The following COL21A1 variants were observed in gnomAD, a reference collection of about 807,000 sequenced individuals.
COL21A1 encodes collagen alpha-1(XXI) chain.
In COL21A1, 149 loss-of-function variants were observed where a neutral mutation model predicts 137.9. That is an observed-to-expected ratio of 1.08 (90% CI 0.95 to 1.24). The LOEUF is 1.24. COL21A1 is among the 50% of genes most tolerant of loss of function. The pLI is 0.00. For synonymous variants in COL21A1, 456 were observed against 391.5 expected (o/e 1.16, Z -1.95); for missense variants, 1,167 against 1,158.4 (o/e 1.01, Z -0.11).
chr6:56,311,360 G>A (rs893240747), intron 1 of COL21A1, among the ~76,000 whole-genome samples: 1 of 152,194 alleles, frequency 6.6e-6, no homozygotes, highest in African/African-American at 2.4e-5. Context: ...AGTCACTCGG[G>A]CTCAGGCAGT....
chr6:56,222,637 CA>C (rs1561999611), intron 1 of COL21A1, among the ~76,000 whole-genome samples: 4 of 151,928 alleles, frequency 2.6e-5, no homozygotes. Context: ...AGGAGAGTAT[CA>C]AAAGAAAATA....
chr6:56,149,227 G>A (rs1250339492), intron 10 of COL21A1, among the ~76,000 whole-genome samples: 3 of 151,982 alleles, frequency 2.0e-5, no homozygotes, highest in Non-Finnish European at 4.4e-5. Context: ...GACTTAATAG[G>A]CATTAAAGAT....
chr6:56,265,286 G>T (rs563781718), intron 1 of COL21A1, among the ~76,000 whole-genome samples: 1 of 152,180 alleles, frequency 6.6e-6, no homozygotes, highest in Non-Finnish European at 1.5e-5. Context: ...TGCCAAGTGG[G>T]GAGTGGAACA....
At chr6:56,120,866 T>A (rs1189748837) in intron 16 of COL21A1, among the ~76,000 whole-genome samples, 1 of 151,380 alleles carries the variant, frequency 6.6e-6, no homozygotes, top group African/African-American at 2.4e-5. Flanking sequence ...GCTGGGTATG[T>A]ACCCAAAAGA....
At chr6:56,087,668 G>A (rs955609185) in intron 17 of COL21A1, among the ~76,000 whole-genome samples, 1 of 152,132 alleles carries the variant, frequency 6.6e-6, no homozygotes, top group African/African-American at 2.4e-5. Flanking sequence ...TAAAGATAAG[G>A]GAAGTCCTGA....
chr6:56,104,727 T>C (rs572982008), intron 16 of COL21A1, among the ~76,000 whole-genome samples: 18 of 152,140 alleles, frequency 1.2e-4, no homozygotes, highest in Non-Finnish European at 2.2e-4. Flanking sequence ...TTTCTACAGC[T>C]AACGTCAAAA....
At chr6:56,211,127 G>A (rs1443646179) in intron 1 of COL21A1, among the ~76,000 whole-genome samples, 2 of 146,208 alleles carry the variant, frequency 1.4e-5, no homozygotes, top group Non-Finnish European at 3.0e-5. Context: ...TCTTTATATA[G>A]CAAGAGCAAA....
intron 1 of COL21A1, among the ~76,000 whole-genome samples, chr6:56,255,201 TTTC>T (rs1443888605): frequency 6.6e-6 from 1 of 152,136 alleles, no homozygotes; most frequent in African/African-American, 2.4e-5. Flanking sequence ...CAACCTGCAT[TTTC>T]TTATTTCTCG....
At chr6:56,284,048 T>A (rs1169838278) in intron 1 of COL21A1, among the ~76,000 whole-genome samples, 1 of 152,088 alleles carries the variant, frequency 6.6e-6, no homozygotes, top group Non-Finnish European at 1.5e-5. Context: ...GTAGTTTTGT[T>A]TTGTTTTGTT....
chr6:56,228,140 G>A (rs1781329883), intron 1 of COL21A1, among the ~76,000 whole-genome samples: 2 of 151,922 alleles, frequency 1.3e-5, no homozygotes, highest in South Asian at 2.1e-4. Context: ...TTTGCATTAA[G>A]TGAAGAGGAG....
intron 17 of COL21A1, among the ~76,000 whole-genome samples, chr6:56,101,229 C>G (rs12206920): frequency 0.15 from 23,123 of 152,128 alleles, 1,788 homozygotes; most frequent in Middle Eastern, 0.22. Context: ...CCATGCATTT[C>G]TTTGGGCATG....
intron 1 of COL21A1, among the ~76,000 whole-genome samples, chr6:56,228,520 T>C (rs547174632): frequency 3.3e-5 from 5 of 151,098 alleles, no homozygotes; most frequent in African/African-American, 1.2e-4. Context: ...AGAAGAAATA[T>C]AAAGCATCTT....
intron 1 of COL21A1, among the ~76,000 whole-genome samples, chr6:56,285,899 G>A (rs556776894): frequency 1.7e-4 from 26 of 150,358 alleles, no homozygotes; most frequent in African/African-American, 4.9e-4. Flanking sequence ...TGCCACAAAT[G>A]ATTCCCTTTT....
intron 1 of COL21A1, among the ~76,000 whole-genome samples, chr6:56,211,219 G>A (rs565696895): frequency 2.1e-4 from 6 of 28,072 alleles, no homozygotes; most frequent in African/African-American, 1.1e-3. Context: ...ATATGTATAT[G>A]TATATATACA....
chr6:56,156,785 T>A, intron 10 of COL21A1, 102 bp downstream of exon 10: 1 of 938,392 alleles, frequency 1.1e-6, no homozygotes, highest in South Asian at 1.4e-5. Context: ...GCAGCAGTCA[T>A]GAATAAAGCT....
chr6:56,172,498 A>C (rs537545210), intron 3 of COL21A1, among the ~76,000 whole-genome samples: 2 of 152,194 alleles, frequency 1.3e-5, no homozygotes, highest in South Asian at 2.1e-4. Context: ...AAAGTTCATC[A>C]CCATCAGACC....
chr6:56,194,225 G>A (rs1778882423), intron 1 of COL21A1, among the ~76,000 whole-genome samples: 1 of 152,102 alleles, frequency 6.6e-6, no homozygotes, highest in South Asian at 2.1e-4. Flanking sequence ...TTAATTCCCT[G>A]ATGTTATTAT....
intron 1 of COL21A1, among the ~76,000 whole-genome samples, chr6:56,228,657 AC>A (rs1781360659): frequency 6.6e-6 from 1 of 151,128 alleles, no homozygotes; most frequent in South Asian, 2.1e-4. Context: ...GAATATATAG[AC>A]CCCCTGTGTG....
chr6:56,381,421 G>A (rs1269243158), intron 1 of COL21A1, among the ~76,000 whole-genome samples: 2 of 152,162 alleles, frequency 1.3e-5, no homozygotes, highest in African/African-American at 4.8e-5. Context: ...AAACCCACCT[G>A]GTAGAGAGGC....
Sources: allele counts gnomAD v4.1 joint callset (sites outside exome capture counted in the v4.1 genomes callset), GRCh38; gene constraint gnomAD v4.1.1; transcripts MANE v1.5; gene names NCBI Gene and HGNC (gene_info 2026-07-23, HGNC 2026-07-21).